Variants in COG6 observed in about 807,000 individuals in gnomAD.
COG6 encodes the protein component of oligomeric golgi complex 6, also known as conserved oligomeric Golgi complex subunit 6.
In COG6, 74 loss-of-function variants were observed where a neutral mutation model predicts 88.8. The ratio of observed to expected loss-of-function variants is 0.83; its 90% CI spans 0.69 to 1.01. COG6 has a LOEUF of 1.01. Among genes scored for constraint, COG6 ranks in the 50% least tolerant of loss-of-function variants. The pLI is 0.00. For missense variants in COG6, 800 were observed against 797.9 expected, an observed-to-expected ratio of 1.00 and a Z score of -0.03; for synonymous variants, 286 against 278.7, an observed-to-expected ratio of 1.03 and a Z score of -0.26.
chr13:39,787,831 G>A lies in COG6; in HGVS notation c.1827-504G>A, dbSNP rs569904390. ...AATCTAGAGATTATTTAAAGTATTC[G>A]GGAAGATGTGTGTAGGTTATATAGA... On this transcript the variant is annotated intron_variant, in intron 18 of 18. Coordinates refer to the COG6 transcript ENST00000416691. Among the ~76,000 whole-genome samples the A allele has an allele frequency of 5.3e-5, 8 of 152,200 alleles. No individual in the cohort carries two copies. The East Asian group carries it at 7.7e-4, about 15-fold the overall frequency.
intron 18 of COG6, among the ~76,000 whole-genome samples, chr13:39,736,923 A>G (rs1001823467): frequency 5.3e-5 from 8 of 152,146 alleles, no homozygotes; most frequent in East Asian, 1.9e-4. Context: ...GGTGGGTGTT[A>G]TAGTCTTCAT....
chr13:39,655,768 C>A lies in COG6; in HGVS notation c.42C>A (p.Thr14=), dbSNP rs1238296230. 1 of 1,593,424 alleles carries A rather than the reference C, an allele frequency of 6.3e-7. No individual in the cohort carries two copies. Among genetic ancestry groups the A allele is most frequent in the Admixed American group, 1.7e-5 (1 of 58,168 alleles). ...GSGEVVAVSA[T]GAANGLNNGA... Reference sequence around the variant, plus strand: ...GGGAAGTGGTCGCAGTGTCTGCGACCGGGGCTGCCAACGGCCTCAACAATG... The same window carrying A: ...GGGAAGTGGTCGCAGTGTCTGCGACAGGGGCTGCCAACGGCCTCAACAATG... Residue 14 remains threonine, a synonymous_variant, in exon 1 of 19, where the codon ACC becomes ACA. Coordinates refer to ENST00000455146, the MANE Select transcript of COG6 (RefSeq NM_020751.3).
At chr13:39,731,626 A>T (rs984437091) in intron 18 of COG6, among the ~76,000 whole-genome samples, 1 of 152,236 alleles carries the variant, frequency 6.6e-6, no homozygotes, top group Non-Finnish European at 1.5e-5. Flanking sequence ...CATATGGGAA[A>T]ATGGGTAAGT....
At chr13:39,776,909 C>G (rs1177516085) in intron 18 of COG6, among the ~76,000 whole-genome samples, 2 of 152,160 alleles carry the variant, frequency 1.3e-5, no homozygotes, top group Non-Finnish European at 2.9e-5. Context: ...TAATTGATTT[C>G]TACGTGTCTT....
intron 3 of COG6, among the ~76,000 whole-genome samples, chr13:39,662,142 A>ATTTTTT (rs10629485): frequency 4.6e-5 from 6 of 130,640 alleles, no homozygotes; most frequent in Non-Finnish European, 7.9e-5. Flanking sequence ...TGTCCTTTGT[A>ATTTTTT]TTTTTTTTTT....
intron 8 of COG6, among the ~76,000 whole-genome samples, chr13:39,684,242 G>GGTTTTTTT (rs1593423136): frequency 2.2e-5 from 1 of 44,772 alleles, no homozygotes; most frequent in Non-Finnish European, 4.3e-5. Flanking sequence ...CAATTTGGAA[G>GGTTTTTTT]ATTTTTTTTT....
chr13:39,719,348 G>A lies in COG6; in HGVS notation c.1397G>A (p.Arg466His), dbSNP rs537646524. The stretch of plus-strand genomic sequence containing the variant: ...TCTTCAGTTGTACCATTAGATGCTC[G>A]TCAAGCTGATTTTGTGCAGGTATGT... ...HDSSVVPLDARQADFVQVLSC... is the reference protein window; with the variant it reads ...HDSSVVPLDAHQADFVQVLSC... Residue 466 changes from arginine (R) to histidine (H), a missense_variant, in exon 14 of 19, where the codon CGT becomes CAT. By Grantham distance (29) the Arg-to-His change is conservative. Coordinates refer to ENST00000455146, the MANE Select transcript of COG6 (RefSeq NM_020751.3). The A allele has an allele frequency of 4.3e-5, 70 of 1,612,422 alleles. No homozygotes were observed. The highest frequency in any genetic ancestry group is 2.2e-4 in the Admixed American group (13 of 59,798).
chr13:39,781,235 T>C (rs1228135271), intron 18 of COG6, among the ~76,000 whole-genome samples: 5 of 152,122 alleles, frequency 3.3e-5, no homozygotes, highest in Non-Finnish European at 7.4e-5. Flanking sequence ...GCTACCCACA[T>C]AATACATGGG....
intron 12 of COG6, among the ~76,000 whole-genome samples, chr13:39,695,772 T>A (rs1233662866): frequency 6.6e-6 from 1 of 151,932 alleles, no homozygotes; most frequent in African/African-American, 2.4e-5. Flanking sequence ...TTTGGATTAG[T>A]CCCTTAATAT....
intron 13 of COG6, among the ~76,000 whole-genome samples, chr13:39,706,593 G>A (rs1368799180): frequency 6.7e-6 from 1 of 148,868 alleles, no homozygotes; most frequent in African/African-American, 2.5e-5. Context: ...GAGGACTTTT[G>A]TGTATAGCTC....
chr13:39,676,969 C>A (rs889130545), intron 4 of COG6, among the ~76,000 whole-genome samples: 12 of 152,022 alleles, frequency 7.9e-5, no homozygotes, highest in Non-Finnish European at 1.5e-4. Flanking sequence ...AAGTGACTAG[C>A]AATTTATGGA....
chr13:39,786,006 C>G (rs1017827557), intron 18 of COG6, among the ~76,000 whole-genome samples: 1 of 152,100 alleles, frequency 6.6e-6, no homozygotes, highest in African/African-American at 2.4e-5. Flanking sequence ...AAGGTACAGT[C>G]AGGATAGAGC....
At chr13:39,660,977 T>TGTAGGAAATTTGG (rs1313113293) in intron 3 of COG6, 96 bp downstream of exon 3, 1 of 757,840 alleles carries the variant, frequency 1.3e-6, no homozygotes, top group African/African-American at 1.7e-5. Context: ...CATAATGCCC[T>TGTAGGAAATTTGG]GTAGGAAATT....
At chr13:39,776,915 G>A in intron 18 of COG6, among the ~76,000 whole-genome samples, 1 of 152,070 alleles carries the variant, frequency 6.6e-6, no homozygotes, top group East Asian at 1.9e-4. Context: ...ATTTCTACGT[G>A]TCTTTTCTAT....
chr13:39,723,264 C>T, intron 15 of COG6, 69 bp from the exon 16 acceptor site: 3 of 925,482 alleles, frequency 3.2e-6, no homozygotes, highest in Non-Finnish European at 5.3e-6. Flanking sequence ...AGTGCCAATG[C>T]AAGGCACTGC....
At chr13:39,700,741 T>C (rs146490610) in intron 13 of COG6, among the ~76,000 whole-genome samples, 2 of 152,000 alleles carry the variant, frequency 1.3e-5, no homozygotes, top group East Asian at 1.9e-4. Flanking sequence ...CTGGTTATTA[T>C]AGAATTCTAT....
intron 18 of COG6, among the ~76,000 whole-genome samples, chr13:39,782,179 G>A (rs965396906): frequency 7.2e-5 from 11 of 152,132 alleles, no homozygotes; most frequent in African/African-American, 2.7e-4. Flanking sequence ...TAGAAACCTC[G>A]CTCTTTTCAA....
chr13:39,742,259 A>C (rs1044352072), intron 18 of COG6, among the ~76,000 whole-genome samples: 3 of 152,198 alleles, frequency 2.0e-5, no homozygotes, highest in African/African-American at 7.2e-5. Context: ...AACAATATTA[A>C]CCTTAAATGT....
In COG6 at chr13:39,710,248, G is replaced by A. The variant is rs146828425; in HGVS notation, c.1285-8988G>A. Among the ~76,000 whole-genome samples the A allele has an allele frequency of 4.6e-3, 704 of 151,976 alleles. 6 individuals carry two copies. Among genetic ancestry groups the A allele is most frequent in the African/African-American group, 0.016 (651 of 41,468 alleles). On this transcript the variant is annotated intron_variant, in intron 13 of 18. Coordinates refer to ENST00000455146, the MANE Select transcript of COG6 (RefSeq NM_020751.3). ...CCAGATATTGAGTGGTTTTTTTGAT[G>A]CTTTTGAAACTTATTTTTCTCTTTA... is the stretch of plus-strand genomic sequence containing the variant.
Sources: gnomAD v4.1 joint callset for allele counts (sites outside exome capture counted in the v4.1 genomes callset) on GRCh38, gnomAD v4.1.1 for gene constraint, MANE v1.5 for transcripts, NCBI Gene and HGNC (gene_info 2026-07-23, HGNC 2026-07-21) for gene names.